TMEM114: variants seen among roughly 807,000 people sequenced by gnomAD.
TMEM114 encodes the protein claudin-26.
TMEM114 carries 6 observed loss-of-function variants against 6.2 expected under a neutral mutation model. That is an observed-to-expected ratio of 0.97 (90% CI 0.53 to 1.91). The LOEUF is 1.91. TMEM114 is among the 40% of genes most tolerant of loss of function. The pLI, the probability that TMEM114 is intolerant of heterozygous loss-of-function variation, is 0.01. For synonymous variants in TMEM114, 104 were observed against 73.0 expected, an observed-to-expected ratio of 1.42 and a Z score of -2.16; for missense variants, 218 against 158.3, an observed-to-expected ratio of 1.38 and a Z score of -2.02.
intron 2 of TMEM114, among the ~76,000 whole-genome samples, chr16:8,547,539 C>T (rs1210117329): frequency 4.6e-5 from 7 of 151,738 alleles, no homozygotes; most frequent in African/African-American, 9.7e-5. Flanking sequence ...ATTACAGGCA[C>T]CCGCCACTAC....
chr16:8,539,749 C>G (rs1439542622), intron 2 of TMEM114, among the ~76,000 whole-genome samples: 2 of 151,652 alleles, frequency 1.3e-5, no homozygotes, highest in Non-Finnish European at 2.9e-5. Context: ...AACAGAAAAC[C>G]TAAACTAAAA....
At chr16:8,545,599 A>T (rs1290237926) in intron 2 of TMEM114, among the ~76,000 whole-genome samples, 1 of 152,200 alleles carries the variant, frequency 6.6e-6, no homozygotes, top group African/African-American at 2.4e-5. Context: ...GCTGGGTGTC[A>T]TTCCCAGAGT....
intron 2 of TMEM114, among the ~76,000 whole-genome samples, chr16:8,541,480 C>T (rs1343353464): frequency 6.6e-6 from 1 of 152,168 alleles, no homozygotes; most frequent in Non-Finnish European, 1.5e-5. Context: ...GACAATTCGT[C>T]TGACCATAAG....
chr16:8,545,250 C>A (rs961107550), intron 2 of TMEM114, among the ~76,000 whole-genome samples: 4 of 152,088 alleles, frequency 2.6e-5, no homozygotes, highest in Non-Finnish European at 4.4e-5. Flanking sequence ...CCAACCTGGG[C>A]AACATAGCAA....
At chr16:8,570,028 G>A in intron 3 of TMEM114, 23 bp from the exon 4 acceptor site, 3 of 1,538,752 alleles carry the variant, frequency 1.9e-6, no homozygotes, top group South Asian at 1.2e-5. Flanking sequence ...CAAAGGGAGA[G>A]CAGATCAATC....
intron 2 of TMEM114, among the ~76,000 whole-genome samples, chr16:8,546,755 A>C (rs1900679499): frequency 1.3e-5 from 2 of 152,210 alleles, no homozygotes; most frequent in Non-Finnish European, 2.9e-5. Flanking sequence ...TCCCCATGAC[A>C]ACAGCTGCAA....
At chr16:8,566,179 G>A (rs1310967834), downstream of TMEM114, among the ~76,000 whole-genome samples, 1 of 152,112 alleles carries the variant, frequency 6.6e-6, no homozygotes, top group Non-Finnish European at 1.5e-5. Flanking sequence ...GACCATCCTG[G>A]CTAACACTGT....
At chr16:8,545,430 C>T (rs963059065) in intron 2 of TMEM114, among the ~76,000 whole-genome samples, 2 of 152,134 alleles carry the variant, frequency 1.3e-5, no homozygotes, top group African/African-American at 2.4e-5. Flanking sequence ...TATACTCTGT[C>T]TCAGAAAATA....
In TMEM114 at chr16:8,569,668, T is replaced by C; in HGVS notation, c.*105A>G. The C allele has an allele frequency of 2.1e-6, 3 of 1,444,568 alleles. No homozygotes were observed. The highest frequency in any genetic ancestry group is 2.7e-6 in the Non-Finnish European group (3 of 1,102,270). The allele number at this position is 1,444,568 out of a possible 1,614,324, so 89.5% of individuals were successfully genotyped here. A position where few individuals can be genotyped will look rare whatever the true frequency, so the allele number is the denominator to read the frequency against. On this transcript the variant is annotated 3_prime_UTR_variant, in exon 4 of 4. Coordinates refer to ENST00000620492, the MANE Select transcript of TMEM114 (RefSeq NM_001146336.2). ...GGGGGAAGGAGGGGGGTGCCTGGCC[T>C]CCCCGAGTGGCCTTTGAGGAAGAAG...
chr16:8,572,448 G>C, intron 2 of TMEM114: 1 of 588,338 alleles, frequency 1.7e-6, no homozygotes, highest in Non-Finnish European at 3.0e-6. Flanking sequence ...TGTTTGTTTT[G>C]TTTTTGAGAC....
intron 2 of TMEM114, among the ~76,000 whole-genome samples, chr16:8,551,867 C>T (rs1900854401): frequency 6.6e-6 from 1 of 152,140 alleles, no homozygotes; most frequent in African/African-American, 2.4e-5. Context: ...TTATTGGATA[C>T]ACAAACTATA....
chr16:8,527,633 T>C, the TMEM114 span, among the ~76,000 whole-genome samples: 1 of 152,196 alleles, frequency 6.6e-6, no homozygotes, highest in African/African-American at 2.4e-5. Context: ...TCTTGTTCTG[T>C]GTCTTTTTAT....
chr16:8,529,333 G>T, the TMEM114 span, among the ~76,000 whole-genome samples: 2 of 152,240 alleles, frequency 1.3e-5, no homozygotes, highest in Non-Finnish European at 2.9e-5. Flanking sequence ...ATCTGAGACC[G>T]TTGGCCTAGA....
chr16:8,529,619 T>A, the TMEM114 span, among the ~76,000 whole-genome samples: 4 of 152,070 alleles, frequency 2.6e-5, no homozygotes, highest in African/African-American at 9.7e-5. Context: ...GGAACCTACA[T>A]TGATAATTAG....
downstream of TMEM114, among the ~76,000 whole-genome samples, chr16:8,566,894 CTGG>C (rs1901563852): frequency 8.2e-6 from 1 of 121,354 alleles, no homozygotes; most frequent in African/African-American, 3.3e-5. Context: ...TCCCATCACC[CTGG>C]TTTTTTTTTT....
intron 2 of TMEM114, among the ~76,000 whole-genome samples, chr16:8,559,858 T>A (rs1901141985): frequency 6.6e-6 from 1 of 152,150 alleles, no homozygotes; most frequent in African/African-American, 2.4e-5. Flanking sequence ...GAGATCCCCA[T>A]GGGGCTCTTT....
chr16:8,551,994 T>C (rs1900859246), intron 2 of TMEM114, among the ~76,000 whole-genome samples: 1 of 152,210 alleles, frequency 6.6e-6, no homozygotes, highest in Non-Finnish European at 1.5e-5. Context: ...AGATTCTATA[T>C]TGTATGGTTC....
At chr16:8,528,653 G>C in the TMEM114 span, among the ~76,000 whole-genome samples, 2 of 152,202 alleles carry the variant, frequency 1.3e-5, no homozygotes, top group Admixed American at 6.5e-5. Context: ...CGCAGCCTTG[G>C]TGGTAAATCT....
chr16:8,568,477 ATGAC>A (rs1467975105), downstream of TMEM114, among the ~76,000 whole-genome samples: 2 of 152,152 alleles, frequency 1.3e-5, no homozygotes, highest in Admixed American at 6.5e-5. Context: ...TGTTTGTTGA[ATGAC>A]TGACTGACCG....
Sources: gnomAD v4.1 joint callset for allele counts (sites outside exome capture counted in the v4.1 genomes callset) on GRCh38, gnomAD v4.1.1 for gene constraint, MANE v1.5 for transcripts, NCBI Gene and HGNC (gene_info 2026-07-23, HGNC 2026-07-21) for gene names.